The following NBAS variants were observed in gnomAD, a reference collection of about 807,000 sequenced individuals.
The protein encoded by NBAS is NAG/BC035112 fusion.
A neutral mutation model predicts 302.5 loss-of-function variants in NBAS; 219 were observed. That is an observed-to-expected ratio of 0.72 (90% confidence interval 0.65 to 0.81). The LOEUF (loss-of-function observed/expected upper bound fraction) is 0.81, where lower values mean the gene tolerates loss of function less well. Ranked by LOEUF, NBAS falls within the 30% of genes least tolerant of loss-of-function variation. NBAS has a pLI of 0.00. For synonymous variants in NBAS, 1,118 were observed against 1,021.6 expected, an observed-to-expected ratio of 1.09 and a Z score of -1.80; for missense variants, 2,932 against 2,841.6, an observed-to-expected ratio of 1.03 and a Z score of -0.72.
At chr2:15,468,627 G>T in intron 16 of NBAS, 94 bp from the exon 17 acceptor site, 1 of 1,414,352 alleles carries the variant, frequency 7.1e-7, no homozygotes, top group Non-Finnish European at 9.9e-7. Flanking sequence ...TATACCTGAT[G>T]TATTACAGCT....
the NBAS span, among the ~76,000 whole-genome samples, chr2:15,091,699 A>AT: frequency 6.6e-6 from 1 of 151,786 alleles, no homozygotes; most frequent in Non-Finnish European, 1.5e-5. Context: ...TACCTGGCTA[A>AT]TTTTTGTATT....
At chr2:15,181,350 A>G (rs916919542) in intron 50 of NBAS, among the ~76,000 whole-genome samples, 1 of 152,204 alleles carries the variant, frequency 6.6e-6, no homozygotes, top group Non-Finnish European at 1.5e-5. Context: ...GATATCCAAG[A>G]AGGGAGGAAC....
chr2:15,314,001 A>G (rs186719328), intron 38 of NBAS, among the ~76,000 whole-genome samples: 1 of 152,320 alleles, frequency 6.6e-6, no homozygotes, highest in East Asian at 1.9e-4. Flanking sequence ...ATTGGGTTCT[A>G]TTATCCAGAC....
At chr2:14,859,892 A>T in the NBAS span, among the ~76,000 whole-genome samples, 6 of 152,154 alleles carry the variant, frequency 3.9e-5, no homozygotes, top group Non-Finnish European at 8.8e-5. Flanking sequence ...AACTAAAGAC[A>T]TAACCCACAG....
the NBAS span, among the ~76,000 whole-genome samples, chr2:15,094,132 C>G: frequency 6.6e-6 from 1 of 152,116 alleles, no homozygotes; most frequent in African/African-American, 2.4e-5. Context: ...TTGAAACATG[C>G]AAAAGGAAGC....
chr2:15,099,944 G>T, the NBAS span, among the ~76,000 whole-genome samples: 2 of 152,280 alleles, frequency 1.3e-5, no homozygotes, highest in East Asian at 3.9e-4. Context: ...GAAATCTAGG[G>T]GGAAAATGAC....
At chr2:15,005,316 G>A in the NBAS span, among the ~76,000 whole-genome samples, 9 of 152,274 alleles carry the variant, frequency 5.9e-5, 1 homozygote, top group Admixed American at 2.0e-4. Context: ...GGCAGCCACC[G>A]TTCTATTCTG....
chr2:15,181,349 G>A (rs566994267), intron 50 of NBAS, among the ~76,000 whole-genome samples: 2 of 152,198 alleles, frequency 1.3e-5, no homozygotes, highest in Admixed American at 6.5e-5. Flanking sequence ...GGATATCCAA[G>A]AAGGGAGGAA....
chr2:15,048,710 C>T, the NBAS span, among the ~76,000 whole-genome samples: 13 of 152,362 alleles, frequency 8.5e-5, no homozygotes, highest in South Asian at 2.3e-3. Context: ...GCTGAGACTA[C>T]GCTCCCCACA....
chr2:15,547,286 T>C (rs1259416310), intron 6 of NBAS, among the ~76,000 whole-genome samples: 1 of 152,212 alleles, frequency 6.6e-6, no homozygotes, highest in African/African-American at 2.4e-5. Flanking sequence ...TGGCTCCTTT[T>C]CTGCAGGCAC....
the NBAS span, among the ~76,000 whole-genome samples, chr2:14,815,477 C>T: frequency 2.0e-5 from 3 of 152,152 alleles, no homozygotes; most frequent in African/African-American, 4.8e-5. Context: ...GGAAAACATC[C>T]GAAAGCTGTG....
the NBAS span, among the ~76,000 whole-genome samples, chr2:14,839,236 C>T: frequency 1.3e-5 from 2 of 151,942 alleles, no homozygotes; most frequent in African/African-American, 4.8e-5. Context: ...GAAAATTAGA[C>T]TTCCATATCC....
At chr2:14,987,625 A>C in the NBAS span, among the ~76,000 whole-genome samples, 1 of 152,122 alleles carries the variant, frequency 6.6e-6, no homozygotes, top group East Asian at 1.9e-4. Flanking sequence ...AATATCAAAC[A>C]AAAAGGAAGC....
chr2:15,540,582 A>G (rs1370304772), intron 6 of NBAS, among the ~76,000 whole-genome samples: 1 of 152,062 alleles, frequency 6.6e-6, no homozygotes, highest in Non-Finnish European at 1.5e-5. Flanking sequence ...GCCTCAATAT[A>G]TATGAAAGGC....
chr2:15,474,871 T>A (rs1324454052), intron 14 of NBAS, among the ~76,000 whole-genome samples: 2 of 152,190 alleles, frequency 1.3e-5, no homozygotes, highest in East Asian at 3.8e-4. Flanking sequence ...TAAAGCCTGT[T>A]TTAATAACAG....
At chr2:15,389,970 A>C (rs1329427862) in intron 28 of NBAS, among the ~76,000 whole-genome samples, 1 of 152,232 alleles carries the variant, frequency 6.6e-6, no homozygotes, top group African/African-American at 2.4e-5. Context: ...ATTCCAGAGA[A>C]ACCAAAGCAG....
chr2:15,401,242 C>T (rs898780619), intron 26 of NBAS, among the ~76,000 whole-genome samples: 10 of 152,040 alleles, frequency 6.6e-5, no homozygotes, highest in Non-Finnish European at 1.2e-4. Flanking sequence ...GCATGAATAA[C>T]TCTTTCATGG....
intron 6 of NBAS, among the ~76,000 whole-genome samples, chr2:15,539,943 T>C (rs1048034959): frequency 2.6e-5 from 4 of 152,052 alleles, no homozygotes; most frequent in African/African-American, 9.6e-5. Flanking sequence ...ATCACACAAT[T>C]TCAAGATTTT....
chr2:14,848,297 G>C, the NBAS span, among the ~76,000 whole-genome samples: 6 of 140,466 alleles, frequency 4.3e-5, no homozygotes, highest in East Asian at 1.9e-4. Context: ...TTCCCTTTCC[G>C]AGTCAAAGAA....
Sources: allele counts gnomAD v4.1 joint callset (sites outside exome capture counted in the v4.1 genomes callset), GRCh38; gene constraint gnomAD v4.1.1; transcripts MANE v1.5; gene names NCBI Gene and HGNC (gene_info 2026-07-23, HGNC 2026-07-21).